Variants in GABRA2 observed in about 807,000 individuals in gnomAD.
The protein encoded by GABRA2 is gamma-aminobutyric acid type A receptor subunit alpha2, also known as gamma-aminobutyric acid receptor subunit alpha-2.
Under a neutral mutation model 48.7 loss-of-function variants are expected in GABRA2, and 16 were observed. The observed-to-expected ratio is 0.33, with a 90% CI of 0.22 to 0.50. The LOEUF is 0.50. GABRA2 is among the 20% of genes least tolerant of loss of function. The probability of loss-of-function intolerance (pLI) is 0.98; values close to 1 mark genes in which losing one functional copy is unlikely to be tolerated. For missense variants in GABRA2, 275 were observed against 535.6 expected, an observed-to-expected ratio of 0.51 and a Z score of 4.80; for synonymous variants, 185 against 184.5, an observed-to-expected ratio of 1.00 and a Z score of -0.02.
At chr4:46,305,519 C>T in intron 7 of GABRA2, 49 bp downstream of exon 7, 1 of 1,553,758 alleles carries the variant, frequency 6.4e-7, no homozygotes, top group South Asian at 1.1e-5. Flanking sequence ...GTCCTTTAAC[C>T]TATTAATATT....
At chr4:46,338,161 G>C (rs566032883) in intron 3 of GABRA2, among the ~76,000 whole-genome samples, 43 of 151,966 alleles carry the variant, frequency 2.8e-4, no homozygotes, top group Non-Finnish European at 5.0e-4. Context: ...GTTGAAAAGA[G>C]AATCATAAAA....
chr4:46,293,015 T>A (rs1371904239), intron 8 of GABRA2, among the ~76,000 whole-genome samples: 1 of 152,072 alleles, frequency 6.6e-6, no homozygotes, highest in Non-Finnish European at 1.5e-5. Context: ...AAAGGCAAGG[T>A]GGGTGGAGCT....
At chr4:46,301,950 T>C (rs893924898) in intron 8 of GABRA2, among the ~76,000 whole-genome samples, 8 of 152,298 alleles carry the variant, frequency 5.3e-5, no homozygotes, top group African/African-American at 1.9e-4. Flanking sequence ...TTGGCCCAAT[T>C]CATATATCTA....
intron 8 of GABRA2, 143 bp from the exon 9 acceptor site, chr4:46,262,271 G>T (rs1717131123): frequency 1.1e-5 from 6 of 565,964 alleles, no homozygotes. Flanking sequence ...AATAAATACT[G>T]GAATTTATAT....
intron 8 of GABRA2, among the ~76,000 whole-genome samples, chr4:46,281,358 G>A (rs1721497528): frequency 1.3e-5 from 2 of 152,144 alleles, no homozygotes; most frequent in South Asian, 4.1e-4. Context: ...ATAAAGTAGA[G>A]AGTATAGATA....
chr4:46,348,039 A>G (rs989010693), intron 3 of GABRA2, among the ~76,000 whole-genome samples: 6 of 152,246 alleles, frequency 3.9e-5, no homozygotes, highest in African/African-American at 1.4e-4. Flanking sequence ...ACAAAGGGCT[A>G]ATATCCAGAA....
upstream of GABRA2, chr4:46,390,250 C>T (rs552687879): frequency 6.5e-6 from 1 of 154,136 alleles, no homozygotes; most frequent in Admixed American, 6.7e-5. Flanking sequence ...CCCTCGATCC[C>T]TGGTAACTGA....
intron 4 of GABRA2, 100 bp downstream of exon 4, chr4:46,332,515 C>A: frequency 2.8e-6 from 2 of 715,690 alleles, no homozygotes; most frequent in South Asian, 1.6e-5. Context: ...AGACATGAGA[C>A]ATATACATAA....
At chr4:46,301,347 T>C (rs1010254260) in intron 8 of GABRA2, among the ~76,000 whole-genome samples, 15 of 152,216 alleles carry the variant, frequency 9.9e-5, no homozygotes, top group African/African-American at 3.6e-4. Context: ...AACAATTATA[T>C]ACCATGTATT....
At chr4:46,353,738 T>C (rs1385163980) in intron 3 of GABRA2, among the ~76,000 whole-genome samples, 1 of 152,176 alleles carries the variant, frequency 6.6e-6, no homozygotes, top group African/African-American at 2.4e-5. Flanking sequence ...GAGGCTAATA[T>C]TAACAGCACC....
intron 8 of GABRA2, among the ~76,000 whole-genome samples, chr4:46,282,835 G>A (rs979910705): frequency 6.6e-6 from 1 of 152,180 alleles, no homozygotes; most frequent in Non-Finnish European, 1.5e-5. Flanking sequence ...TAAGTGGTCC[G>A]TATATGAATA....
At chr4:46,307,393 C>T (rs1400320380) in intron 6 of GABRA2, among the ~76,000 whole-genome samples, 1 of 150,254 alleles carries the variant, frequency 6.7e-6, no homozygotes, top group Non-Finnish European at 1.5e-5. Context: ...ATCTACTTTA[C>T]GTTGGAAGGG....
At chr4:46,323,696 AAGTT>A (rs1439968391) in intron 4 of GABRA2, among the ~76,000 whole-genome samples, 1 of 151,790 alleles carries the variant, frequency 6.6e-6, no homozygotes, top group Non-Finnish European at 1.5e-5. Context: ...AAAAATAAAA[AAGTT>A]AGGAAGATTT....
At chr4:46,303,407 A>G (rs1726095564) in intron 8 of GABRA2, 53 bp downstream of exon 8, 2 of 1,499,484 alleles carry the variant, frequency 1.3e-6, no homozygotes, top group Admixed American at 3.4e-5. Context: ...AATGTTTTTG[A>G]AAGTATGCTA....
At position 46,332,136 on chromosome 4, in the gene GABRA2, G is replaced by A. The variant is rs183224325; in HGVS notation, c.255+479C>T. Among the ~76,000 whole-genome samples the A allele has an allele frequency of 1.4e-3, 219 of 152,116 alleles. 1 individual carries two copies. The highest frequency in any genetic ancestry group is 0.01 in the Middle Eastern group (3 of 294). ...TACCTACTATGTGTGCAGATTATAC[G>A]TATTGTATGTATGTAGATAGCATAA... On this transcript the variant is annotated intron_variant, in intron 4 of 9. Coordinates refer to ENST00000381620, the MANE Select transcript of GABRA2 (RefSeq NM_000807.4).
rs540673601 is a variant in GABRA2, at chr4:46,355,148, C to T, written c.188-22466G>A. Among the ~76,000 whole-genome samples the T allele has an allele frequency of 7.9e-5, 12 of 152,204 alleles. No homozygotes were observed. In the East Asian group the frequency reaches 2.1e-3, roughly 27 times the overall value. On this transcript the variant is annotated intron_variant, in intron 3 of 9. Transcript: ENST00000381620. ...ATTTGCCTGGTGAGTCATATCAGTG[C>T]TAAAAATTTATATTAAATGCTTCAA... is the stretch of plus-strand genomic sequence containing the variant.
chr4:46,273,486 T>TGA, intron 8 of GABRA2, among the ~76,000 whole-genome samples: 1 of 30,318 alleles, frequency 3.3e-5, no homozygotes, highest in Admixed American at 3.3e-4. Context: ...TATATATGCA[T>TGA]ATATATATAT....
intron 4 of GABRA2, among the ~76,000 whole-genome samples, chr4:46,331,413 T>C (rs1190573489): frequency 2.0e-5 from 3 of 152,164 alleles, no homozygotes; most frequent in African/African-American, 7.2e-5. Context: ...TTAGGTTCTC[T>C]AACGGAAACG....
chr4:46,278,860 G>A (rs2109450219), intron 8 of GABRA2, among the ~76,000 whole-genome samples: 1 of 152,040 alleles, frequency 6.6e-6, no homozygotes, highest in East Asian at 1.9e-4. Context: ...GATGGTGAGG[G>A]AAATAGAATG....
Sources: allele counts gnomAD v4.1 joint callset (sites outside exome capture counted in the v4.1 genomes callset), GRCh38; gene constraint gnomAD v4.1.1; transcripts MANE v1.5; gene names NCBI Gene and HGNC (gene_info 2026-07-23, HGNC 2026-07-21).